SYNE1: variants seen among roughly 807,000 people sequenced by gnomAD.
SYNE1 encodes the protein spectrin repeat containing nuclear envelope protein 1, also known as nesprin-1.
SYNE1 carries 616 observed loss-of-function variants against 1,111.0 expected under a neutral mutation model. The ratio of observed to expected loss-of-function variants is 0.55; its 90% CI spans 0.52 to 0.59. The LOEUF (loss-of-function observed/expected upper bound fraction) is 0.59, where lower values mean the gene tolerates loss of function less well. Among genes scored for constraint, SYNE1 ranks in the 20% least tolerant of loss-of-function variants. The probability of loss-of-function intolerance (pLI) is 0.00; values close to 1 mark genes in which losing one functional copy is unlikely to be tolerated. For missense variants in SYNE1, 10,006 were observed against 10,417.0 expected, an observed-to-expected ratio of 0.96 and a Z score of 1.72; for synonymous variants, 3,855 against 3,825.8, an observed-to-expected ratio of 1.01 and a Z score of -0.28.
chr6:152,373,345 T>A, intron 58 of SYNE1, 126 bp from the exon 59 acceptor site: 2 of 857,498 alleles, frequency 2.3e-6, no homozygotes, highest in Non-Finnish European at 1.7e-6. Flanking sequence ...AGTAGTGCGA[T>A]CTCGGCTCAC....
At chr6:152,135,042 C>G in intron 142 of SYNE1, 62 bp downstream of exon 142, 1 of 1,610,508 alleles carries the variant, frequency 6.2e-7, no homozygotes, top group Non-Finnish European at 8.5e-7. Context: ...TATTCATTTT[C>G]TGTAAATGAA....
chr6:152,430,705 G>A lies in SYNE1; in HGVS notation c.4466C>T (p.Thr1489Ile), dbSNP rs1430338443. The A allele has an allele frequency of 6.2e-7, 1 of 1,613,772 alleles. No homozygotes were observed. The highest frequency in any genetic ancestry group is 2.2e-5 in the East Asian group (1 of 44,862). Residue 1489 changes from threonine to isoleucine, a missense_variant, in exon 35 of 146, where the codon ACA (threonine) becomes ATA (isoleucine). Transcript: ENST00000367255. ...GAGCTTACTTTCTATTTCCTGAATT[G>A]TGACCTAATAGTTAAAACAAGAAAA... ...MDMQISQIKV[T>I]IQEIESKLSS... is the part of the protein sequence containing the mutation.
At chr6:152,497,049 C>G (rs1454330842) in intron 11 of SYNE1, among the ~76,000 whole-genome samples, 2 of 152,148 alleles carry the variant, frequency 1.3e-5, no homozygotes, top group African/African-American at 4.8e-5. Flanking sequence ...AACTGCCCCA[C>G]CTCTGTCTCC....
Position 152,330,732 on chromosome 6 carries a change from T to C in SYNE1, c.13953A>G (p.Gln4651=). 6.2e-7 allele frequency: 1 copy of C among 1,614,040 alleles called. No homozygotes were observed. Among genetic ancestry groups the C allele is most frequent in the Non-Finnish European group, 8.5e-7 (1 of 1,180,032 alleles). The change falls in exon 78 of 146, where the codon CAA becomes CAG. Residue 4651 remains glutamine, a synonymous_variant. Transcript: ENST00000367255. ...TAGCCAAGGCAACAATTACATTAAA[T>C]TGTCGAGGCAAAGCATTTAGCTTTT... ...LSEKLNALPR[Q]FNVIVALAKD...
rs886061207 is a variant in SYNE1 at position 152,385,755 on chromosome 6, A to G, written c.8571T>C (p.His2857=). ...ACCGGTGAAGTTCTTCCTTTGCTGA[A>G]TGGAGCCAATCTGTGAACTCGTGGA... ...DAVHEFTDWL[H]SAKEELHRWS... Residue 2857 remains histidine (H), a synonymous_variant, in exon 55 of 146, where the codon CAT becomes CAC. Coordinates refer to ENST00000367255, the MANE Select transcript of SYNE1 (RefSeq NM_182961.4). 1.2e-6 allele frequency: 2 copies of G among 1,614,016 alleles called. No homozygotes were observed. The highest frequency in any genetic ancestry group is 1.7e-6 in the Non-Finnish European group (2 of 1,180,006).
intron 137 of SYNE1, chr6:152,145,418 G>T: frequency 7.0e-7 from 1 of 1,426,736 alleles, no homozygotes; most frequent in South Asian, 1.2e-5. Context: ...AGAGACAGCA[G>T]ATGTGCTAAG....
intron 62 of SYNE1, 173 bp downstream of exon 62, chr6:152,367,045 G>T: frequency 1.3e-6 from 1 of 797,480 alleles, no homozygotes; most frequent in Non-Finnish European, 2.2e-6. Context: ...GGGGTCAGAT[G>T]ATTCAGGAAT....
chr6:152,615,294 T>C (rs1310679197), intron 3 of SYNE1, among the ~76,000 whole-genome samples: 2 of 152,188 alleles, frequency 1.3e-5, no homozygotes, highest in African/African-American at 4.8e-5. Context: ...TGTTAACTTG[T>C]CAAAGTAGGA....
chr6:152,470,520 G>A (rs780867010), intron 16 of SYNE1, among the ~76,000 whole-genome samples: 1 of 152,076 alleles, frequency 6.6e-6, no homozygotes, highest in Non-Finnish European at 1.5e-5. Flanking sequence ...TGGAACAAAT[G>A]TTTCCTAGAC....
At position 152,486,324 on chromosome 6, in the gene SYNE1, G is replaced by T. The variant is rs1361601373; in HGVS notation, c.1048-1352C>A. Among the ~76,000 whole-genome samples, 3 of 152,248 alleles carry T rather than the reference G, an allele frequency of 2.0e-5. No individual in the cohort carries two copies. The South Asian group carries it at 6.2e-4, about 32-fold the overall frequency. On this transcript the variant is annotated intron_variant, in intron 12 of 145. Coordinates refer to ENST00000367255, the MANE Select transcript of SYNE1 (RefSeq NM_182961.4). ...ACTGGAAAATGCAGCATTTGCTACAGATTGAAAGAGATTTAAAATGCTGAT... is the reference window on the plus strand; with the variant it reads ...ACTGGAAAATGCAGCATTTGCTACATATTGAAAGAGATTTAAAATGCTGAT...
Position 152,204,062 on chromosome 6 carries a change from A to T in SYNE1, c.23019+2106T>A, listed in dbSNP as rs78462143. 7.2e-4 allele frequency among the ~76,000 whole-genome samples: 110 copies of T among 152,260 alleles called. 1 individual carries two copies. The East Asian group carries it at 0.016, about 22-fold the overall frequency. On this transcript the variant is annotated intron_variant, in intron 126 of 145. Transcript: ENST00000367255. ...ACATACAGTTGATAAAAATTTATTG[A>T]TCTAAAAGAGATAAGATCATCACGG...
chr6:152,235,308 C>T (rs1279458740), intron 110 of SYNE1, among the ~76,000 whole-genome samples: 2 of 152,166 alleles, frequency 1.3e-5, no homozygotes, highest in Non-Finnish European at 2.9e-5. Flanking sequence ...CCTCCCTGCT[C>T]ACTTCTAATT....
chr6:152,278,526 G>C (rs1227049032), intron 97 of SYNE1, among the ~76,000 whole-genome samples: 1 of 151,780 alleles, frequency 6.6e-6, no homozygotes, highest in East Asian at 1.9e-4. Flanking sequence ...TTAGTGGAGC[G>C]ATCTTGACTC....
At position 152,512,093 on chromosome 6, in the gene SYNE1, T is replaced by A. The variant is rs532960698; in HGVS notation, c.310-990A>T. 3.8e-4 allele frequency among the ~76,000 whole-genome samples: 57 copies of A among 151,950 alleles called. No individual in the cohort carries two copies. The East Asian group carries it at 5.1e-3, about 13-fold the overall frequency. Reference sequence around the variant, plus strand: ...AGCTCAGATGTTTGTACATTTTTTTTATTTAAATTTGTGTCAGATGCAAAA... The same window carrying A: ...AGCTCAGATGTTTGTACATTTTTTTAATTTAAATTTGTGTCAGATGCAAAA... On this transcript the variant is annotated intron_variant, in intron 6 of 145. Coordinates refer to ENST00000367255, the MANE Select transcript of SYNE1 (RefSeq NM_182961.4).
intron 128 of SYNE1, among the ~76,000 whole-genome samples, chr6:152,182,331 G>A (rs1372757465): frequency 5.3e-5 from 8 of 152,168 alleles, no homozygotes; most frequent in Non-Finnish European, 7.4e-5. Context: ...GTCTGAAGAC[G>A]TTCTTCCACA....
intron 20 of SYNE1, chr6:152,462,475 T>C (rs1333412819): frequency 6.9e-6 from 4 of 582,038 alleles, no homozygotes; most frequent in African/African-American, 3.7e-5. Context: ...TGTCTCCTGT[T>C]TTTTCCTAAT....
chr6:152,201,200 A>G (rs1054540273), intron 127 of SYNE1, among the ~76,000 whole-genome samples: 8 of 152,162 alleles, frequency 5.3e-5, no homozygotes, highest in Non-Finnish European at 1.2e-4. Flanking sequence ...AAGATGTGAA[A>G]GGCATGAATC....
At chr6:152,247,374 C>A (rs2087497744) in intron 105 of SYNE1, among the ~76,000 whole-genome samples, 1 of 151,978 alleles carries the variant, frequency 6.6e-6, no homozygotes, top group Admixed American at 6.6e-5. Flanking sequence ...TTATATTGGT[C>A]AAAAATTAGT....
intron 95 of SYNE1, among the ~76,000 whole-genome samples, chr6:152,291,897 T>C (rs1211418745): frequency 6.6e-6 from 1 of 152,186 alleles, no homozygotes; most frequent in Non-Finnish European, 1.5e-5. Context: ...ATATTCCTTC[T>C]GAATGCTTAA....
Sources: gnomAD v4.1 joint callset for allele counts (sites outside exome capture counted in the v4.1 genomes callset) on GRCh38, gnomAD v4.1.1 for gene constraint, MANE v1.5 for transcripts, NCBI Gene and HGNC (gene_info 2026-07-23, HGNC 2026-07-21) for gene names.